KCNQ3: variants seen among roughly 807,000 people sequenced by gnomAD.
KCNQ3 encodes the protein potassium voltage-gated channel subfamily Q member 3, also known as potassium voltage-gated channel subfamily KQT member 3.
Under a neutral mutation model 92.5 loss-of-function variants are expected in KCNQ3, and 30 were observed. The ratio of observed to expected loss-of-function variants is 0.32; its 90% CI spans 0.24 to 0.44. The LOEUF (loss-of-function observed/expected upper bound fraction) is 0.44, where lower values mean the gene tolerates loss of function less well. Among genes scored for constraint, KCNQ3 ranks in the 20% least tolerant of loss-of-function variants. The probability of loss-of-function intolerance (pLI) is 1.00; values close to 1 mark genes in which losing one functional copy is unlikely to be tolerated. For missense variants in KCNQ3, 913 were observed against 1,140.3 expected, an observed-to-expected ratio of 0.80 and a Z score of 2.87; for synonymous variants, 450 against 468.8, an observed-to-expected ratio of 0.96 and a Z score of 0.52.
chr8:132,347,743 C>T (rs4339620), intron 1 of KCNQ3, among the ~76,000 whole-genome samples: 26,471 of 151,922 alleles, frequency 0.17, 2,762 homozygotes, highest in East Asian at 0.42. Flanking sequence ...TTTGGGAGGC[C>T]GAGGCGGGCA....
At chr8:132,177,624 G>C (rs1012154822) in intron 4 of KCNQ3, among the ~76,000 whole-genome samples, 2 of 152,174 alleles carry the variant, frequency 1.3e-5, no homozygotes, top group Non-Finnish European at 2.9e-5. Context: ...GGGAGCTCTA[G>C]GGCTCATTTA....
intron 1 of KCNQ3, among the ~76,000 whole-genome samples, chr8:132,381,029 G>GA (rs1466229179): frequency 2.6e-5 from 4 of 151,678 alleles, no homozygotes; most frequent in African/African-American, 7.3e-5. Flanking sequence ...AGAGCAAAGG[G>GA]AAAATGGGCA....
At position 132,126,799 on chromosome 8, in the gene KCNQ3, A is replaced by G. The variant is rs1380311809; in HGVS notation, c.*2463T>C. 1 of 152,182 alleles carries G rather than the reference A, an allele frequency of 6.6e-6. No individual in the cohort carries two copies. Among genetic ancestry groups the G allele is most frequent in the East Asian group, 1.9e-4 (1 of 5,188 alleles). 9.4% of individuals were successfully genotyped at this position (152,182 alleles called of 1,614,324 possible). On this transcript the variant is annotated 3_prime_UTR_variant, in exon 15 of 15. Transcript: ENST00000388996. ...AAAAGAATCTAAGGTAGTTCCTCCAATTTTGGATCAATGGTAAATACTTTA... is the reference window on the plus strand; with the variant it reads ...AAAAGAATCTAAGGTAGTTCCTCCAGTTTTGGATCAATGGTAAATACTTTA...
intron 1 of KCNQ3, among the ~76,000 whole-genome samples, chr8:132,264,413 A>G (rs925622719): frequency 2.0e-5 from 3 of 152,128 alleles, no homozygotes; most frequent in Admixed American, 6.5e-5. Flanking sequence ...CCTCCTGGCC[A>G]TTTCTGGTTG....
intron 1 of KCNQ3, among the ~76,000 whole-genome samples, chr8:132,311,143 T>C (rs1817581325): frequency 6.6e-6 from 1 of 152,126 alleles, no homozygotes; most frequent in Non-Finnish European, 1.5e-5. Context: ...TTGGCCAGGA[T>C]GGTCTCGATC....
intron 1 of KCNQ3, among the ~76,000 whole-genome samples, chr8:132,370,898 T>C (rs1251600091): frequency 1.3e-5 from 2 of 151,138 alleles, no homozygotes; most frequent in African/African-American, 4.9e-5. Flanking sequence ...ATCATCTCCA[T>C]TTTACAGATC....
intron 1 of KCNQ3, among the ~76,000 whole-genome samples, chr8:132,358,782 G>T (rs1016082117): frequency 1.3e-5 from 2 of 152,186 alleles, no homozygotes; most frequent in African/African-American, 4.8e-5. Context: ...ACATGAATTT[G>T]TGTGGATGTA....
intron 1 of KCNQ3, among the ~76,000 whole-genome samples, chr8:132,203,212 T>G (rs913768031): frequency 8.5e-5 from 13 of 152,210 alleles, no homozygotes; most frequent in African/African-American, 3.1e-4. Flanking sequence ...TTTCCACTTC[T>G]CAACACTGTT....
intron 1 of KCNQ3, among the ~76,000 whole-genome samples, chr8:132,312,321 G>A (rs1817618054): frequency 6.6e-6 from 1 of 152,160 alleles, no homozygotes; most frequent in Non-Finnish European, 1.5e-5. Flanking sequence ...CTGCTTTTTG[G>A]TGCTGCTTTA....
chr8:132,460,004 G>T (rs1359747573), intron 1 of KCNQ3, among the ~76,000 whole-genome samples: 2 of 151,964 alleles, frequency 1.3e-5, no homozygotes, highest in Non-Finnish European at 2.9e-5. Context: ...TGGCCAGGGG[G>T]TGCTCTTTCA....
intron 1 of KCNQ3, among the ~76,000 whole-genome samples, chr8:132,470,641 A>AC (rs1822277158): frequency 1.3e-5 from 2 of 152,264 alleles, no homozygotes; most frequent in African/African-American, 4.8e-5. Flanking sequence ...TTGATACAAT[A>AC]ATGTTATCTA....
intron 1 of KCNQ3, among the ~76,000 whole-genome samples, chr8:132,228,275 T>C (rs896101305): frequency 1.8e-4 from 27 of 152,082 alleles, no homozygotes; most frequent in African/African-American, 6.5e-4. Flanking sequence ...AAGTGACAAA[T>C]GAATAATTGT....
chr8:132,395,624 T>C (rs1563893721), intron 1 of KCNQ3, among the ~76,000 whole-genome samples: 1 of 152,184 alleles, frequency 6.6e-6, no homozygotes, highest in Non-Finnish European at 1.5e-5. Context: ...AGTAACAACA[T>C]GTTGTGTTTA....
chr8:132,206,604 A>G (rs1246646028), intron 1 of KCNQ3, among the ~76,000 whole-genome samples: 1 of 152,156 alleles, frequency 6.6e-6, no homozygotes, highest in Non-Finnish European at 1.5e-5. Flanking sequence ...AAGTTTGTCC[A>G]TTTCTTCTAG....
chr8:132,462,362 G>A (rs546933790), intron 1 of KCNQ3, among the ~76,000 whole-genome samples: 4 of 152,090 alleles, frequency 2.6e-5, no homozygotes, highest in African/African-American at 9.6e-5. Flanking sequence ...GCTAATTTTT[G>A]TATTTTCAGT....
intron 1 of KCNQ3, among the ~76,000 whole-genome samples, chr8:132,311,527 C>T (rs1224127381): frequency 6.6e-6 from 1 of 152,150 alleles, no homozygotes; most frequent in Non-Finnish European, 1.5e-5. Flanking sequence ...CAAGGACACA[C>T]ACAGGAAGAA....
chr8:132,412,238 G>C (rs982671278), intron 1 of KCNQ3, among the ~76,000 whole-genome samples: 4 of 152,214 alleles, frequency 2.6e-5, no homozygotes, highest in Non-Finnish European at 5.9e-5. Context: ...ACCAAGGGCA[G>C]TGATTAAAAA....
intron 9 of KCNQ3, among the ~76,000 whole-genome samples, chr8:132,144,710 T>A (rs986199440): frequency 6.6e-6 from 1 of 152,222 alleles, no homozygotes; most frequent in Non-Finnish European, 1.5e-5. Context: ...TCCGTGTAGT[T>A]TCTTCACATT....
intron 1 of KCNQ3, among the ~76,000 whole-genome samples, chr8:132,383,224 G>T (rs779536194): frequency 3.3e-5 from 5 of 152,234 alleles, no homozygotes; most frequent in Non-Finnish European, 7.3e-5. Flanking sequence ...GGAACAGAAG[G>T]CACAGGTTAC....
Sources: allele counts gnomAD v4.1 joint callset (sites outside exome capture counted in the v4.1 genomes callset), GRCh38; gene constraint gnomAD v4.1.1; transcripts MANE v1.5; gene names NCBI Gene and HGNC (gene_info 2026-07-23, HGNC 2026-07-21).